Variants in BCKDHA observed in about 807,000 individuals in gnomAD.
The protein encoded by BCKDHA is branched chain keto acid dehydrogenase E1 subunit alpha, also known as 2-oxoisovalerate dehydrogenase subunit alpha, mitochondrial.
BCKDHA carries 43 observed loss-of-function variants against 52.2 expected under a neutral mutation model. The observed-to-expected ratio is 0.82, with a 90% CI of 0.64 to 1.06. BCKDHA has a LOEUF of 1.06. BCKDHA is among the 50% of genes least tolerant of loss of function. The pLI is 0.00. For missense variants in BCKDHA, 527 were observed against 621.3 expected, an observed-to-expected ratio of 0.85 and a Z score of 1.61; for synonymous variants, 234 against 247.9, an observed-to-expected ratio of 0.94 and a Z score of 0.53.
intron 1 of BCKDHA, among the ~76,000 whole-genome samples, chr19:41,401,017 A>G (rs59233264): frequency 0.034 from 5,131 of 152,028 alleles, 279 homozygotes; most frequent in African/African-American, 0.12. Flanking sequence ...GTCTCAAAAT[A>G]AGATAGCCAC....
At chr19:41,417,754 G>A (rs1024151364) in intron 4 of BCKDHA, among the ~76,000 whole-genome samples, 2 of 151,954 alleles carry the variant, frequency 1.3e-5, no homozygotes, top group East Asian at 1.9e-4. Context: ...GAGAAACCCC[G>A]TCTCTCCTGA....
In BCKDHA at chr19:41,424,561, C is replaced by T; in HGVS notation, c.1291C>T (p.Leu431=). Residue 431 remains leucine, a synonymous_variant, in exon 9 of 9, where the codon CTG becomes TTG. Coordinates refer to ENST00000269980, the MANE Select transcript of BCKDHA (RefSeq NM_000709.4). ...GCAGCAGGAGTCTCTGGCCCGCCACCTGCAGACCTACGGGGAGCACTACCC... is the reference window on the plus strand; with the variant it reads ...GCAGCAGGAGTCTCTGGCCCGCCACTTGCAGACCTACGGGGAGCACTACCC... ...RKQQESLARH[L]QTYGEHYPLD... The T allele has an allele frequency of 6.2e-7, 1 of 1,614,066 alleles. No individual in the cohort carries two copies. The highest frequency in any genetic ancestry group is 8.5e-7 in the Non-Finnish European group (1 of 1,179,942).
chr19:41,418,803 G>A (rs756049595), intron 4 of BCKDHA: 5 of 449,078 alleles, frequency 1.1e-5, no homozygotes, highest in Non-Finnish European at 2.2e-5. Context: ...GCCTCTCAAA[G>A]TGCTGGGATT....
intron 1 of BCKDHA, among the ~76,000 whole-genome samples, chr19:41,404,166 G>A (rs945108485): frequency 6.6e-6 from 1 of 151,976 alleles, no homozygotes; most frequent in Non-Finnish European, 1.5e-5. Context: ...CTTTAGTAGA[G>A]ATGGGGTTTC....
chr19:41,409,035 C>T (rs900721601), intron 1 of BCKDHA, among the ~76,000 whole-genome samples: 4 of 152,094 alleles, frequency 2.6e-5, no homozygotes, highest in Non-Finnish European at 4.4e-5. Flanking sequence ...TTGCAACCTC[C>T]GCTTCCCGGA....
intron 3 of BCKDHA, among the ~76,000 whole-genome samples, chr19:41,413,824 G>A (rs2039281002): frequency 6.6e-6 from 1 of 152,144 alleles, no homozygotes; most frequent in Non-Finnish European, 1.5e-5. Context: ...TGGAACAGGT[G>A]CTTCCTTTGG....
intron 4 of BCKDHA, among the ~76,000 whole-genome samples, chr19:41,416,088 C>G (rs185267283): frequency 6.6e-6 from 1 of 152,052 alleles, no homozygotes; most frequent in East Asian, 1.9e-4. Flanking sequence ...GAATTAAAGG[C>G]ATGCACCACC....
Position 41,401,197 on chromosome 19 carries a change from C to A in BCKDHA, c.108+3262C>A, listed in dbSNP as rs929446383. On this transcript the variant is annotated intron_variant, in intron 1 of 8. Transcript: ENST00000269980. ...GTTCAAGCGATTCTCCTGCCTCAGC[C>A]TCCCGAGTAGCTGGGATTACAGGCA... Among the ~76,000 whole-genome samples the A allele has an allele frequency of 5.3e-5, 8 of 152,068 alleles. No homozygotes were observed. In the South Asian group the frequency reaches 1.0e-3, roughly 20 times the overall value.
At chr19:41,424,364 C>A in intron 8 of BCKDHA, 74 bp from the exon 9 acceptor site, 1 of 1,570,782 alleles carries the variant, frequency 6.4e-7, no homozygotes, top group Non-Finnish European at 8.7e-7. Flanking sequence ...AATTCCTTGC[C>A]AAGGCCCCGC....
rs1377740078 is a variant in BCKDHA, at chr19:41,422,168, G to A, written c.651G>A (p.Val217=). 4 of 1,613,006 alleles carry A rather than the reference G, an allele frequency of 2.5e-6. No individual in the cohort carries two copies. Among genetic ancestry groups the A allele is most frequent in the Admixed American group, 3.3e-5 (2 of 59,936 alleles). The change falls in exon 6 of 9, where the codon GTG becomes GTA. Residue 217 remains valine (V), a synonymous_variant. Transcript: ENST00000269980. Reference sequence around the variant, plus strand: ...CCACCCTCTCATCCCCTGCAGCGGTGGGGGCGGCGTACGCAGCCAAGCGGG... The same window carrying A: ...CCACCCTCTCATCCCCTGCAGCGGTAGGGGCGGCGTACGCAGCCAAGCGGG... ...SPLATQIPQA[V]GAAYAAKRAN... is the part of the protein sequence containing the mutation.
At chr19:41,423,863 C>T (rs1168661442) in intron 8 of BCKDHA, among the ~76,000 whole-genome samples, 9 of 148,592 alleles carry the variant, frequency 6.1e-5, no homozygotes, top group Non-Finnish European at 1.2e-4. Context: ...CGTGGTGGTG[C>T]GTGCCTGTAG....
intron 3 of BCKDHA, among the ~76,000 whole-genome samples, chr19:41,412,222 TC>T (rs143603789): frequency 0.028 from 4,247 of 150,184 alleles, 207 homozygotes; most frequent in African/African-American, 0.1. Context: ...GACATCTTCC[TC>T]CCAGGCGTGC....
Position 41,410,917 on chromosome 19 carries a change from C to G in BCKDHA, c.289-6C>G, listed in dbSNP as rs1333893467. ...GCCCCACGTCTATCTGTGCCTCCAC[C>G]CGCAGCTGCCGAAGGAGAAGGTGCT... On this transcript the variant is annotated splice_polypyrimidine_tract_variant and splice_region_variant and intron_variant, in intron 2 of 8. Coordinates refer to ENST00000269980, the MANE Select transcript of BCKDHA (RefSeq NM_000709.4). The G allele has an allele frequency of 1.9e-6, 3 of 1,614,018 alleles. No individual in the cohort carries two copies. The highest frequency in any genetic ancestry group is 1.3e-5 in the African/African-American group (1 of 74,916).
Position 41,424,250 on chromosome 19 carries a change from T to C in BCKDHA, c.1168-188T>C, listed in dbSNP as rs564057583. ...AAAGCCTTAAATGATTCCACACACT[T>C]GGATAGCACCTGATCCCTGCTGGGA... On this transcript the variant is annotated intron_variant, in intron 8 of 8. Coordinates refer to ENST00000269980, the MANE Select transcript of BCKDHA (RefSeq NM_000709.4). 2.0e-5 allele frequency among the ~76,000 whole-genome samples: 3 copies of C among 152,310 alleles called. No homozygotes were observed. The East Asian group carries it at 5.8e-4, about 29-fold the overall frequency.
intron 1 of BCKDHA, among the ~76,000 whole-genome samples, chr19:41,405,945 C>T (rs549318758): frequency 6.6e-6 from 1 of 152,168 alleles, no homozygotes; most frequent in Non-Finnish European, 1.5e-5. Context: ...AAATCACTGG[C>T]CACCGGGACA....
chr19:41,408,339 C>G (rs1462763906), intron 1 of BCKDHA, among the ~76,000 whole-genome samples: 1 of 151,344 alleles, frequency 6.6e-6, no homozygotes, highest in Admixed American at 6.6e-5. Context: ...CTCATCTACT[C>G]AAGGGCAATG....
At chr19:41,424,181 C>A (rs114502373) in intron 8 of BCKDHA, among the ~76,000 whole-genome samples, 71 of 152,288 alleles carry the variant, frequency 4.7e-4, no homozygotes, top group African/African-American at 1.7e-3. Flanking sequence ...TTCTCTGTGC[C>A]TCAGTTTCCT....
chr19:41,401,958 G>C (rs1436954961), intron 1 of BCKDHA, among the ~76,000 whole-genome samples: 3 of 152,130 alleles, frequency 2.0e-5, no homozygotes, highest in Non-Finnish European at 2.9e-5. Flanking sequence ...ACACACCCAA[G>C]ACTGGGTAAT....
rs1365135243 is a variant in BCKDHA at position 41,423,178 on chromosome 19, G to T, written c.1167+9G>T. The T allele has an allele frequency of 1.4e-5, 22 of 1,551,142 alleles. No homozygotes were observed. Among genetic ancestry groups the T allele is most frequent in the Non-Finnish European group, 1.7e-5 (20 of 1,147,656 alleles). On this transcript the variant is annotated intron_variant, in intron 8 of 8. Coordinates refer to ENST00000269980, the MANE Select transcript of BCKDHA (RefSeq NM_000709.4). ...AGCAGTCCCGCAGGAAGGTGAGGGT[G>T]CCCCGCCCGGGAGGGTGTGCTGGGG...
Sources: allele counts gnomAD v4.1 joint callset (sites outside exome capture counted in the v4.1 genomes callset), GRCh38; gene constraint gnomAD v4.1.1; transcripts MANE v1.5; gene names NCBI Gene and HGNC (gene_info 2026-07-23, HGNC 2026-07-21).